The following REPS2 variants were observed in gnomAD, a reference collection of about 807,000 sequenced individuals.
REPS2 encodes the protein RALBP1 associated Eps domain containing 2.
REPS2 carries 23 observed loss-of-function variants against 53.6 expected under a neutral mutation model. That is an observed-to-expected ratio of 0.43 (90% CI 0.31 to 0.61). The LOEUF (loss-of-function observed/expected upper bound fraction) is 0.61, where lower values mean the gene tolerates loss of function less well. REPS2 is among the 20% of genes least tolerant of loss of function. The pLI is 0.11. For missense variants in REPS2, 446 were observed against 534.9 expected (o/e 0.83, Z 1.64); for synonymous variants, 238 against 218.6 (o/e 1.09, Z -0.78).
At chrX:17,095,662 G>T (rs922838864) in intron 13 of REPS2, among the ~76,000 whole-genome samples, 1 of 110,869 alleles carries the variant, frequency 9.0e-6, no homozygotes, top group Non-Finnish European at 1.9e-5. Flanking sequence ...CAGCAGAGGG[G>T]ACTGTAAGAG....
chrX:17,086,002 C>T (rs899726087), intron 13 of REPS2, among the ~76,000 whole-genome samples: 5 of 111,941 alleles, frequency 4.5e-5, no homozygotes, highest in African/African-American at 1.6e-4. Flanking sequence ...AGAATTCAAT[C>T]GAGGGCTACA....
At chrX:17,168,399 A>T in the REPS2 span, among the ~76,000 whole-genome samples, 1 of 111,492 alleles carries the variant, frequency 9.0e-6, no homozygotes, top group African/African-American at 3.3e-5. Flanking sequence ...CTGTAGTCCC[A>T]GCTACTTGGG....
At chrX:17,185,762 G>A in the REPS2 span, among the ~76,000 whole-genome samples, 1 of 111,564 alleles carries the variant, frequency 9.0e-6, no homozygotes, top group African/African-American at 3.3e-5. Flanking sequence ...GTCACGTTCT[G>A]TAAGATAAAA....
the REPS2 span, among the ~76,000 whole-genome samples, chrX:17,160,462 A>G: frequency 8.9e-6 from 1 of 112,832 alleles, no homozygotes; most frequent in African/African-American, 3.2e-5. Flanking sequence ...AGTTATTTCA[A>G]AAATTTTATG....
At chrX:16,994,484 A>T (rs2061205189) in intron 1 of REPS2, among the ~76,000 whole-genome samples, 1 of 111,318 alleles carries the variant, frequency 9.0e-6, no homozygotes, top group African/African-American at 3.3e-5. Context: ...CTACTCAGCC[A>T]TAAAAAGGAA....
At chrX:17,130,174 G>A (rs1296585935) in intron 14 of REPS2, among the ~76,000 whole-genome samples, 4 of 111,574 alleles carry the variant, frequency 3.6e-5, no homozygotes, top group African/African-American at 1.3e-4. Context: ...TGGAGTATGC[G>A]TCCATTTGTA....
intron 1 of REPS2, among the ~76,000 whole-genome samples, chrX:16,950,251 C>T (rs1381963726): frequency 1.8e-5 from 2 of 111,551 alleles, no homozygotes; most frequent in Non-Finnish European, 3.8e-5. Context: ...ATTCCATTGT[C>T]TGCATGTACT....
the REPS2 span, among the ~76,000 whole-genome samples, chrX:17,163,122 A>T: frequency 8.9e-6 from 1 of 111,924 alleles, no homozygotes; most frequent in Admixed American, 9.5e-5. Context: ...TATCTTAAAA[A>T]CTAAATGAGA....
chrX:16,952,233 G>C (rs1420649530), intron 1 of REPS2, among the ~76,000 whole-genome samples: 1 of 111,057 alleles, frequency 9.0e-6, no homozygotes, highest in Non-Finnish European at 1.9e-5. Flanking sequence ...CCCTAGCCCT[G>C]CACCCCTGAA....
intron 2 of REPS2, among the ~76,000 whole-genome samples, chrX:17,006,943 A>G (rs2061369018): frequency 1.8e-5 from 2 of 111,433 alleles, no homozygotes; most frequent in Non-Finnish European, 3.8e-5. Context: ...AAAAAGCAAA[A>G]CCCCCAACTA....
intron 14 of REPS2, among the ~76,000 whole-genome samples, chrX:17,124,280 AGGACCTGT>A (rs2063178246): frequency 1.8e-5 from 2 of 112,429 alleles, no homozygotes; most frequent in South Asian, 7.3e-4. Flanking sequence ...CATTGATTAG[AGGACCTGT>A]TGTTTGCTGG....
intron 14 of REPS2, among the ~76,000 whole-genome samples, chrX:17,131,920 T>C (rs902206576): frequency 1.5e-4 from 16 of 109,557 alleles, no homozygotes; most frequent in South Asian, 8.1e-4. Flanking sequence ...TTTTTTTTTT[T>C]CCCAAACTGT....
chrX:17,062,025 A>G (rs2062164684), intron 8 of REPS2, among the ~76,000 whole-genome samples: 1 of 112,626 alleles, frequency 8.9e-6, no homozygotes, highest in South Asian at 3.6e-4. Flanking sequence ...TTCCTTAGTT[A>G]ATGTCCCTAT....
At chrX:17,092,186 A>G (rs1250738550) in intron 13 of REPS2, among the ~76,000 whole-genome samples, 1 of 112,091 alleles carries the variant, frequency 8.9e-6, no homozygotes, top group Non-Finnish European at 1.9e-5. Context: ...ATAAGTTGGA[A>G]TATATTTTCA....
At chrX:17,171,411 A>G in the REPS2 span, among the ~76,000 whole-genome samples, 8 of 111,904 alleles carry the variant, frequency 7.1e-5, no homozygotes, top group East Asian at 2.2e-3. Flanking sequence ...ATTTTATTAA[A>G]CCTCTTTCTA....
chrX:17,064,990 A>G (rs967010189), intron 9 of REPS2, among the ~76,000 whole-genome samples: 1 of 112,640 alleles, frequency 8.9e-6, no homozygotes, highest in African/African-American at 3.2e-5. Context: ...ATAATATTGC[A>G]TTGTATGGAT....
chrX:17,179,845 A>T, the REPS2 span, among the ~76,000 whole-genome samples: 8 of 111,897 alleles, frequency 7.1e-5, no homozygotes, highest in African/African-American at 2.3e-4. Context: ...GGCCATTAGA[A>T]ATGATTGCAC....
At chrX:17,022,774 AC>A (rs1353960097) in intron 3 of REPS2, among the ~76,000 whole-genome samples, 1 of 112,217 alleles carries the variant, frequency 8.9e-6, no homozygotes, top group African/African-American at 3.2e-5. Context: ...CAGTGAAGAG[AC>A]CTGGAAATGT....
At chrX:16,960,734 A>G (rs1239645173) in intron 1 of REPS2, among the ~76,000 whole-genome samples, 2 of 112,272 alleles carry the variant, frequency 1.8e-5, no homozygotes, top group Non-Finnish European at 3.8e-5. Flanking sequence ...TCCTATATGT[A>G]GAAAACCCTG....
Sources: gnomAD v4.1 joint callset for allele counts (sites outside exome capture counted in the v4.1 genomes callset) on GRCh38, gnomAD v4.1.1 for gene constraint, MANE v1.5 for transcripts, NCBI Gene and HGNC (gene_info 2026-07-23, HGNC 2026-07-21) for gene names.